Variants in PRKCH observed in about 807,000 individuals in gnomAD.
PRKCH encodes the protein protein kinase C eta type.
Under a neutral mutation model 82.5 loss-of-function variants are expected in PRKCH, and 28 were observed. The ratio of observed to expected loss-of-function variants is 0.34; its 90% CI spans 0.25 to 0.47. The LOEUF (loss-of-function observed/expected upper bound fraction) is 0.47, where lower values mean the gene tolerates loss of function less well. Among genes scored for constraint, PRKCH ranks in the 20% least tolerant of loss-of-function variants. The pLI is 1.00. For missense variants in PRKCH, 705 were observed against 881.8 expected, an observed-to-expected ratio of 0.80 and a Z score of 2.54; for synonymous variants, 322 against 327.4, an observed-to-expected ratio of 0.98 and a Z score of 0.18.
chr14:61,225,761 C>T (rs1040399115), intron 1 of PRKCH, among the ~76,000 whole-genome samples: 24 of 148,728 alleles, frequency 1.6e-4, no homozygotes, highest in African/African-American at 5.0e-4. Context: ...TTTTAACAGA[C>T]AGGGTCTTGC....
chr14:61,233,171 T>C (rs1331680474), intron 1 of PRKCH, among the ~76,000 whole-genome samples: 1 of 152,148 alleles, frequency 6.6e-6, no homozygotes, highest in Non-Finnish European at 1.5e-5. Context: ...TTTGATCTTA[T>C]CAGGTTCCAA....
intron 1 of PRKCH, among the ~76,000 whole-genome samples, chr14:61,381,101 A>G (rs1011113175): frequency 5.9e-5 from 9 of 152,272 alleles, no homozygotes; most frequent in Non-Finnish European, 1.0e-4. Context: ...TAGGACTTGG[A>G]ACCTTAGAAT....
chr14:61,325,922 C>A (rs1209975615), intron 1 of PRKCH, among the ~76,000 whole-genome samples: 1 of 152,042 alleles, frequency 6.6e-6, no homozygotes, highest in East Asian at 1.9e-4. Context: ...CAGTATGTTC[C>A]CACTAGAAAG....
At chr14:61,301,518 A>G (rs1020468075) in intron 1 of PRKCH, among the ~76,000 whole-genome samples, 1 of 152,242 alleles carries the variant, frequency 6.6e-6, no homozygotes, top group Non-Finnish European at 1.5e-5. Flanking sequence ...TGCAACTTAT[A>G]TGCTCAAGGT....
chr14:61,378,922 T>C (rs113269530), intron 1 of PRKCH, among the ~76,000 whole-genome samples: 12 of 152,310 alleles, frequency 7.9e-5, no homozygotes, highest in African/African-American at 2.9e-4. Flanking sequence ...TGAACATGAA[T>C]TCCCACCACC....
intron 1 of PRKCH, among the ~76,000 whole-genome samples, chr14:61,290,040 T>C (rs2045346848): frequency 6.6e-6 from 1 of 152,194 alleles, no homozygotes; most frequent in Non-Finnish European, 1.5e-5. Flanking sequence ...ATGCCTGTTA[T>C]CCCAGCACTT....
rs142424092 is a variant in PRKCH at position 61,481,370 on chromosome 14, C to T, written c.1279-4132C>T. 2.4e-3 allele frequency among the ~76,000 whole-genome samples: 363 copies of T among 152,322 alleles called. 2 individuals are homozygous for T. The highest frequency in any genetic ancestry group is 8.2e-3 in the African/African-American group (341 of 41,578). The stretch of plus-strand genomic sequence containing the variant: ...ATTTTCACTGTGGATGCCATTCCAA[C>T]AAGCCTGGTTACCTCAGGCAGCAGA... On this transcript the variant is annotated intron_variant, in intron 9 of 13. Transcript: ENST00000332981.
chr14:61,276,441 T>C (rs2045202960), intron 1 of PRKCH, among the ~76,000 whole-genome samples: 1 of 151,846 alleles, frequency 6.6e-6, no homozygotes, highest in Non-Finnish European at 1.5e-5. Flanking sequence ...CTGCAACCTC[T>C]GCCTCCCAGG....
At chr14:61,482,722 T>G (rs1247983270) in intron 9 of PRKCH, among the ~76,000 whole-genome samples, 1 of 152,210 alleles carries the variant, frequency 6.6e-6, no homozygotes, top group Non-Finnish European at 1.5e-5. Flanking sequence ...TCTGGAATTC[T>G]AAAGCTTATG....
At chr14:61,256,777 A>G (rs1339243155) in intron 1 of PRKCH, among the ~76,000 whole-genome samples, 2 of 152,216 alleles carry the variant, frequency 1.3e-5, no homozygotes, top group African/African-American at 4.8e-5. Context: ...TGATCATGAA[A>G]GAAACCTTAT....
intron 10 of PRKCH, among the ~76,000 whole-genome samples, chr14:61,494,274 C>T (rs1258617940): frequency 6.6e-6 from 1 of 152,134 alleles, no homozygotes; most frequent in Non-Finnish European, 1.5e-5. Flanking sequence ...AACCAGACTC[C>T]ATTAGAAATC....
chr14:61,255,410 A>C (rs1267525546), intron 1 of PRKCH, among the ~76,000 whole-genome samples: 2 of 152,184 alleles, frequency 1.3e-5, no homozygotes, highest in Non-Finnish European at 2.9e-5. Context: ...TTTGAAGTGT[A>C]TCATCCGCTT....
chr14:61,307,011 AT>A (rs2045489753), intron 1 of PRKCH: 1 of 152,196 alleles, frequency 6.6e-6, no homozygotes, highest in South Asian at 2.1e-4. Context: ...ATATGCTTCT[AT>A]TTTTTTAAAG....
rs1263534917 is a variant in PRKCH, at chr14:61,529,153, G to A, written c.1512G>A (p.Gly504=). 6.2e-7 allele frequency: 1 copy of A among 1,614,070 alleles called. No homozygotes were observed. The change falls in exon 11 of 14, where the codon GGG becomes GGA. Residue 504 remains glycine, a synonymous_variant. Coordinates refer to ENST00000332981, the MANE Select transcript of PRKCH (RefSeq NM_006255.5). ...CAGACTTCGGAATGTGCAAGGAGGG[G>A]ATTTGCAATGGTGTCACCACGGCCA... The part of the protein sequence containing the change: ...KLADFGMCKE[G]ICNGVTTATF...
intron 1 of PRKCH, among the ~76,000 whole-genome samples, chr14:61,330,103 A>G (rs1045329330): frequency 1.3e-4 from 20 of 152,162 alleles, no homozygotes; most frequent in African/African-American, 4.3e-4. Flanking sequence ...TGTAATTCCA[A>G]GGGGGAGGGA....
intron 13 of PRKCH, among the ~76,000 whole-genome samples, chr14:61,548,844 TGA>T: frequency 7.7e-6 from 1 of 130,462 alleles, no homozygotes; most frequent in Middle Eastern, 4.2e-3. Context: ...CCTGGGCAAC[TGA>T]GTTAGACTTT....
At chr14:61,199,362 C>G (rs58623004) in intron 1 of PRKCH, among the ~76,000 whole-genome samples, 1 of 152,158 alleles carries the variant, frequency 6.6e-6, no homozygotes, top group Non-Finnish European at 1.5e-5. Context: ...CCCATGGTTT[C>G]CCAGACATCA....
In PRKCH at chr14:61,210,286, C is replaced by T. The variant is rs192005744; in HGVS notation, c.-19+22618C>T. On this transcript the variant is annotated intron_variant, in intron 1 of 3. Transcript: ENST00000555185. ...CCGAGATCGTGCCACTGCACTCCAGCCTGAGTGACAGAGCTAGACTCGGTC... is the reference window on the plus strand; with the variant it reads ...CCGAGATCGTGCCACTGCACTCCAGTCTGAGTGACAGAGCTAGACTCGGTC... Among the ~76,000 whole-genome samples the T allele has an allele frequency of 2.0e-5, 3 of 151,544 alleles. 1 individual carries two copies. The East Asian group carries it at 5.8e-4, about 29-fold the overall frequency.
At chr14:61,427,412 A>G (rs1422493908) in intron 2 of PRKCH, among the ~76,000 whole-genome samples, 2 of 152,216 alleles carry the variant, frequency 1.3e-5, no homozygotes, top group East Asian at 3.8e-4. Flanking sequence ...GCTAGACTCA[A>G]CAGTTAATCT....
Sources: gnomAD v4.1 joint callset for allele counts (sites outside exome capture counted in the v4.1 genomes callset) on GRCh38, gnomAD v4.1.1 for gene constraint, MANE v1.5 for transcripts, NCBI Gene and HGNC (gene_info 2026-07-23, HGNC 2026-07-21) for gene names.